Variants in LAMP3 observed in about 807,000 individuals in gnomAD.
LAMP3 encodes lysosome-associated membrane glycoprotein 3.
A neutral mutation model predicts 34.8 loss-of-function variants in LAMP3; 26 were observed. That is an observed-to-expected ratio of 0.75 (90% confidence interval 0.55 to 1.04). LAMP3 has a LOEUF of 1.04. LAMP3 is among the 50% of genes least tolerant of loss of function. LAMP3 has a pLI of 0.00. For synonymous variants in LAMP3, 180 were observed against 201.9 expected, an observed-to-expected ratio of 0.89 and a Z score of 0.92; for missense variants, 495 against 524.0, an observed-to-expected ratio of 0.94 and a Z score of 0.54.
rs764829221 is a variant in LAMP3, at chr3:183,140,575, GATATA to G, written c.904_908del (p.Tyr302GlnfsTer2). The G allele has an allele frequency of 1.3e-4, 210 of 1,601,684 alleles. No individual in the cohort carries two copies. The highest frequency in any genetic ancestry group is 5.0e-5 in the Admixed American group (3 of 59,924). On this transcript the variant is annotated frameshift_variant, in exon 4 of 6. Coordinates refer to ENST00000265598, the MANE Select transcript of LAMP3 (RefSeq NM_014398.4). LOFTEE classifies it high-confidence loss of function. ...CGGTCAAATAGGCTCCCACTTCACT[GATATA>G]ATATGATTCTTCATCCTGTAAAACA...
intron 4 of LAMP3, among the ~76,000 whole-genome samples, chr3:183,137,814 TC>T (rs1404980070): frequency 6.7e-6 from 1 of 149,724 alleles, no homozygotes; most frequent in African/African-American, 2.5e-5. Flanking sequence ...GACTTCCCCT[TC>T]CCCCCACCTT....
At chr3:183,135,687 T>C (rs368542685) in intron 5 of LAMP3, 30 bp downstream of exon 5, 23 of 1,607,996 alleles carry the variant, frequency 1.4e-5, no homozygotes, top group East Asian at 2.2e-5. Flanking sequence ...CTAAAGTGTA[T>C]GTTTGCAACC....
chr3:183,124,306 T>C, intron 5 of LAMP3, 92 bp from the exon 6 acceptor site: 1 of 1,189,090 alleles, frequency 8.4e-7, no homozygotes, highest in Non-Finnish European at 1.1e-6. Context: ...AGCTTTGGCA[T>C]CAAACAAAGC....
chr3:183,126,409 A>G (rs936295277), intron 5 of LAMP3, among the ~76,000 whole-genome samples: 7 of 152,214 alleles, frequency 4.6e-5, no homozygotes, highest in Admixed American at 6.5e-5. Flanking sequence ...ATTATTTAAC[A>G]TTGTTTAAAC....
chr3:183,138,793 A>G lies in LAMP3; in HGVS notation c.946+1745T>C, dbSNP rs181733923. Among the ~76,000 whole-genome samples the G allele has an allele frequency of 4.2e-3, 635 of 152,284 alleles. 4 individuals carry two copies. The highest frequency in any genetic ancestry group is 7.6e-3 in the Non-Finnish European group (516 of 68,032). On this transcript the variant is annotated intron_variant, in intron 4 of 5. Coordinates refer to ENST00000265598, the MANE Select transcript of LAMP3 (RefSeq NM_014398.4). ...ACCCTTGCCTTGCCACTGGCTCTGC[A>G]TGCCCTGGCCTGGCTCTCTGTCCCT...
intron 2 of LAMP3, among the ~76,000 whole-genome samples, chr3:183,153,254 C>T (rs188179372): frequency 2.0e-4 from 30 of 152,046 alleles, no homozygotes; most frequent in Middle Eastern, 3.4e-3. Flanking sequence ...CCCTCTCCCT[C>T]GGTTTTCTTG....
At chr3:183,125,097 G>A (rs1331094589) in intron 5 of LAMP3, among the ~76,000 whole-genome samples, 1 of 152,138 alleles carries the variant, frequency 6.6e-6, no homozygotes, top group Non-Finnish European at 1.5e-5. Flanking sequence ...GTAATTGATT[G>A]GGTCAGAGAC....
intron 4 of LAMP3, among the ~76,000 whole-genome samples, chr3:183,138,945 T>C (rs1720186654): frequency 6.6e-6 from 1 of 152,184 alleles, no homozygotes; most frequent in African/African-American, 2.4e-5. Flanking sequence ...AGGGCTTCCC[T>C]AGGCCCAGAT....
chr3:183,145,486 G>T (rs1269749148), intron 3 of LAMP3, among the ~76,000 whole-genome samples: 1 of 152,116 alleles, frequency 6.6e-6, no homozygotes, highest in African/African-American at 2.4e-5. Flanking sequence ...TGGATAATTT[G>T]CCTTGATTGA....
intron 1 of LAMP3, among the ~76,000 whole-genome samples, chr3:183,161,538 C>T (rs13077467): frequency 6.6e-6 from 1 of 151,892 alleles, no homozygotes; most frequent in African/African-American, 2.4e-5. Flanking sequence ...TTACAGGCGC[C>T]CACAACCATG....
rs747247054 is a variant in LAMP3 at position 183,153,956 on chromosome 3, G to A, written c.485C>T (p.Pro162Leu). The change falls in exon 2 of 6, where the codon CCC becomes CTC. Residue 162 changes from proline (P) to leucine (L), a missense_variant. By Grantham distance (98) the Pro-to-Leu change is moderately conservative. Transcript: ENST00000265598. ...TGCTGGAAGGGTGGTCTGGTTACTG[G>A]GTTGAGTGGTGTTCCCAGTTGTGTG... Reference protein sequence around the residue: ...VSHTTGNTTQPSNQTTLPATL... With the variant: ...VSHTTGNTTQLSNQTTLPATL... 1 of 1,614,220 alleles carries A rather than the reference G, an allele frequency of 6.2e-7. No homozygotes were observed. The highest frequency in any genetic ancestry group is 1.7e-5 in the Admixed American group (1 of 60,020).
At chr3:183,147,002 G>T (rs911256541) in intron 3 of LAMP3, among the ~76,000 whole-genome samples, 3 of 151,974 alleles carry the variant, frequency 2.0e-5, no homozygotes, top group Admixed American at 2.0e-4. Context: ...CCAGCACTTT[G>T]GGAGGCCGAG....
intron 5 of LAMP3, among the ~76,000 whole-genome samples, chr3:183,134,709 A>G (rs1219918543): frequency 6.6e-6 from 1 of 152,184 alleles, no homozygotes; most frequent in Non-Finnish European, 1.5e-5. Flanking sequence ...AATGCTTCCC[A>G]CTGAGTACAT....
chr3:183,142,464 A>G (rs938935030), intron 3 of LAMP3, among the ~76,000 whole-genome samples: 2 of 152,140 alleles, frequency 1.3e-5, no homozygotes, highest in Non-Finnish European at 2.9e-5. Flanking sequence ...TGAGAGTTTC[A>G]GAATTCGCCA....
intron 1 of LAMP3, among the ~76,000 whole-genome samples, chr3:183,155,437 A>G (rs1432458275): frequency 2.0e-5 from 3 of 152,194 alleles, no homozygotes; most frequent in African/African-American, 7.2e-5. Flanking sequence ...GAGAAGTCAT[A>G]ACTGCTCTGA....
At chr3:183,162,764 G>A (rs1036918546), upstream of LAMP3, 9 of 1,072,476 alleles carry the variant, frequency 8.4e-6, no homozygotes, top group African/African-American at 1.2e-4. Flanking sequence ...CTGCTTATGA[G>A]AAGCAGCCGA....
intron 3 of LAMP3, among the ~76,000 whole-genome samples, chr3:183,146,362 T>A (rs1720438921): frequency 6.6e-6 from 1 of 152,182 alleles, no homozygotes; most frequent in Non-Finnish European, 1.5e-5. Flanking sequence ...AGCGACTGAC[T>A]GAATGGTTGA....
chr3:183,154,191 G>A lies in LAMP3; in HGVS notation c.250C>T (p.Pro84Ser). Residue 84 changes from proline to serine, a missense_variant, in exon 2 of 6, where the codon CCA becomes TCA. Transcript: ENST00000265598. ...TTTGTAGTCGCTGGGGTAGTTGTTG[G>A]AATTTTTACTGTGGCCGCTGTTTGA... ...TFQTAATVKI[P>S]TTTPATTKNT... 6.2e-7 allele frequency: 1 copy of A among 1,614,084 alleles called. No homozygotes were observed.
At chr3:183,154,465 T>A in intron 1 of LAMP3, 74 bp from the exon 2 acceptor site, 1 of 1,145,202 alleles carries the variant, frequency 8.7e-7, no homozygotes, top group Non-Finnish European at 1.2e-6. Context: ...ATCCCCATCT[T>A]AATGTCTGTT....
Sources: gnomAD v4.1 joint callset for allele counts (sites outside exome capture counted in the v4.1 genomes callset) on GRCh38, gnomAD v4.1.1 for gene constraint, MANE v1.5 for transcripts, NCBI Gene and HGNC (gene_info 2026-07-23, HGNC 2026-07-21) for gene names.